LRRC4C: variants seen among roughly 807,000 people sequenced by gnomAD.
LRRC4C encodes the protein leucine-rich repeat-containing protein 4C.
LRRC4C carries 5 observed loss-of-function variants against 33.6 expected under a neutral mutation model. That is an observed-to-expected ratio of 0.15 (90% CI 0.08 to 0.31). LRRC4C has a LOEUF of 0.31. Ranked by LOEUF, LRRC4C falls within the 10% of genes least tolerant of loss-of-function variation. The pLI, the probability that LRRC4C is intolerant of heterozygous loss-of-function variation, is 1.00. For synonymous variants in LRRC4C, 329 were observed against 302.0 expected (o/e 1.09, Z -0.93); for missense variants, 560 against 796.7 (o/e 0.70, Z 3.58).
chr11:40,131,058 C>G (rs1856614471), intron 6 of LRRC4C, among the ~76,000 whole-genome samples: 1 of 152,132 alleles, frequency 6.6e-6, no homozygotes, highest in South Asian at 2.1e-4. Context: ...ATGTGTTCAA[C>G]CTATTTCTTC....
At chr11:41,214,419 G>A (rs973775643) in intron 1 of LRRC4C, among the ~76,000 whole-genome samples, 4 of 151,554 alleles carry the variant, frequency 2.6e-5, no homozygotes, top group African/African-American at 9.7e-5. Flanking sequence ...GTATAACAAT[G>A]GCTGGCAACT....
At chr11:41,442,721 T>A (rs1024963499) in intron 1 of LRRC4C, among the ~76,000 whole-genome samples, 1 of 151,948 alleles carries the variant, frequency 6.6e-6, no homozygotes, top group Non-Finnish European at 1.5e-5. Flanking sequence ...CGCCCGCCTT[T>A]GCCTCCCAAA....
chr11:40,459,050 G>A (rs969808489), intron 3 of LRRC4C, among the ~76,000 whole-genome samples: 1 of 152,122 alleles, frequency 6.6e-6, no homozygotes, highest in Non-Finnish European at 1.5e-5. Flanking sequence ...ACACATGAGG[G>A]TATTTAACAT....
intron 1 of LRRC4C, among the ~76,000 whole-genome samples, chr11:40,938,281 A>C (rs1007238680): frequency 1.3e-5 from 2 of 152,262 alleles, no homozygotes; most frequent in Admixed American, 1.3e-4. Flanking sequence ...CATTTGGATG[A>C]GTGCACCGCA....
At chr11:40,966,879 G>A (rs1851400370) in intron 1 of LRRC4C, among the ~76,000 whole-genome samples, 1 of 151,920 alleles carries the variant, frequency 6.6e-6, no homozygotes, top group Non-Finnish European at 1.5e-5. Context: ...TGATGAATGT[G>A]AGTCATACCT....
In LRRC4C at chr11:40,115,660, T is replaced by C. The variant is rs1336799383; in HGVS notation, c.633A>G (p.Glu211=). The C allele has an allele frequency of 6.2e-7, 1 of 1,614,136 alleles. No individual in the cohort carries two copies. The highest frequency in any genetic ancestry group is 8.5e-7 in the Non-Finnish European group (1 of 1,180,012). Residue 211 remains glutamate, a synonymous_variant, in exon 7 of 7, where the codon GAA becomes GAG. Coordinates refer to ENST00000528697, the MANE Select transcript of LRRC4C (RefSeq NM_001258419.2). The surrounding 1 kb of genome is among the most constrained non-coding windows in gnomAD (Gnocchi z 6.7). Reference sequence around the variant, plus strand: ...TTATGAGCGGTGTGAGGTTAGGGATTTCCCGAAGGTTGCACATGGCAAGGT... The same window carrying C: ...TTATGAGCGGTGTGAGGTTAGGGATCTCCCGAAGGTTGCACATGGCAAGGT... The part of the protein sequence containing the change: ...YLNLAMCNLR[E]IPNLTPLIKL...
chr11:40,446,216 G>A (rs1233618512), intron 3 of LRRC4C: 1 of 151,938 alleles, frequency 6.6e-6, no homozygotes, highest in African/African-American at 2.4e-5. Flanking sequence ...TCAAAATATT[G>A]CTGTCAGCTT....
intron 2 of LRRC4C, among the ~76,000 whole-genome samples, chr11:40,793,071 G>T (rs984068914): frequency 2.0e-5 from 3 of 151,866 alleles, no homozygotes; most frequent in Non-Finnish European, 2.9e-5. Flanking sequence ...CACCAACATG[G>T]CACATGTATA....
At chr11:40,774,846 T>C (rs926421095) in intron 2 of LRRC4C, among the ~76,000 whole-genome samples, 6 of 152,152 alleles carry the variant, frequency 3.9e-5, no homozygotes, top group Non-Finnish European at 8.8e-5. Context: ...ACGGCTTTAA[T>C]AGAGTCCATA....
chr11:40,928,106 C>A (rs978985029), intron 2 of LRRC4C, among the ~76,000 whole-genome samples: 1 of 151,874 alleles, frequency 6.6e-6, no homozygotes, highest in Admixed American at 6.6e-5. Flanking sequence ...AAATTAACTG[C>A]TTTCTTATTG....
intron 3 of LRRC4C, among the ~76,000 whole-genome samples, chr11:40,414,726 T>G (rs532463780): frequency 6.6e-6 from 1 of 152,228 alleles, no homozygotes; most frequent in South Asian, 2.1e-4. Flanking sequence ...ACTCTATTAT[T>G]AATAAAATGA....
At chr11:41,345,782 C>T (rs1200639153) in intron 1 of LRRC4C, among the ~76,000 whole-genome samples, 1 of 152,028 alleles carries the variant, frequency 6.6e-6, no homozygotes, top group East Asian at 1.9e-4. Flanking sequence ...AGCAGAGTCA[C>T]AGAGAAGTTT....
intron 1 of LRRC4C, among the ~76,000 whole-genome samples, chr11:40,998,798 G>T (rs963732455): frequency 6.6e-6 from 1 of 152,086 alleles, no homozygotes; most frequent in Non-Finnish European, 1.5e-5. Flanking sequence ...TGCCATTATA[G>T]CAGCCACATA....
chr11:40,380,567 T>A (rs1306278164), intron 3 of LRRC4C, among the ~76,000 whole-genome samples: 2 of 152,212 alleles, frequency 1.3e-5, no homozygotes, highest in African/African-American at 4.8e-5. Context: ...TGTGATTCAG[T>A]ATTCTTATGT....
chr11:41,452,767 A>G (rs1956066723), intron 1 of LRRC4C, among the ~76,000 whole-genome samples: 1 of 152,046 alleles, frequency 6.6e-6, no homozygotes, highest in Non-Finnish European at 1.5e-5. Flanking sequence ...TTATATTTTT[A>G]TAAGTAGACA....
chr11:40,759,130 A>AAT (rs1949077625), intron 2 of LRRC4C, among the ~76,000 whole-genome samples: 1 of 147,140 alleles, frequency 6.8e-6, no homozygotes, highest in Non-Finnish European at 1.5e-5. Context: ...TTATGTATGT[A>AAT]ATATATATAT....
At chr11:40,655,330 C>A (rs528741372) in intron 2 of LRRC4C, among the ~76,000 whole-genome samples, 2 of 152,168 alleles carry the variant, frequency 1.3e-5, no homozygotes, top group Non-Finnish European at 2.9e-5. Context: ...TTTGAATGAT[C>A]AAGTGCCATT....
At chr11:41,427,078 G>T (rs1955067168) in intron 1 of LRRC4C, among the ~76,000 whole-genome samples, 1 of 152,146 alleles carries the variant, frequency 6.6e-6, no homozygotes, top group South Asian at 2.1e-4. Flanking sequence ...TTGAGAAATG[G>T]TATAGATGTA....
At chr11:40,455,513 T>A (rs376207093) in intron 3 of LRRC4C, among the ~76,000 whole-genome samples, 2 of 152,160 alleles carry the variant, frequency 1.3e-5, no homozygotes, top group African/African-American at 4.8e-5. Context: ...GAAGGTGAAA[T>A]GGGGGGCAGC....
Sources: gnomAD v4.1 joint callset for allele counts (sites outside exome capture counted in the v4.1 genomes callset) on GRCh38, gnomAD v4.1.1 for gene constraint, Gnocchi (gnomAD v3.1) non-coding constraint, MANE v1.5 for transcripts, NCBI Gene and HGNC (gene_info 2026-07-23, HGNC 2026-07-21) for gene names.